The following GDF5 variants were observed in gnomAD, a reference collection of about 807,000 sequenced individuals.
GDF5 encodes growth/differentiation factor 5.
Under a neutral mutation model 34.6 loss-of-function variants are expected in GDF5, and 17 were observed. The ratio of observed to expected loss-of-function variants is 0.49; its 90% CI spans 0.34 to 0.74. GDF5 has a LOEUF of 0.74. GDF5 is among the 30% of genes least tolerant of loss of function. The pLI is 0.01. For synonymous variants in GDF5, 332 were observed against 290.7 expected, an observed-to-expected ratio of 1.14 and a Z score of -1.44; for missense variants, 616 against 661.2, an observed-to-expected ratio of 0.93 and a Z score of 0.75.
intron 1 of GDF5, among the ~76,000 whole-genome samples, chr20:35,437,081 C>T (rs553808009): frequency 6.6e-6 from 1 of 152,294 alleles, no homozygotes; most frequent in South Asian, 2.1e-4. Flanking sequence ...ACCTTGCAGG[C>T]GTTGGACCTG....
At position 35,438,004 on chromosome 20, in the gene GDF5, C is replaced by T; in HGVS notation, c.-76G>A. 4 of 1,561,180 alleles carry T rather than the reference C, an allele frequency of 2.6e-6. No individual in the cohort carries two copies. Among genetic ancestry groups the T allele is most frequent in the East Asian group, 4.5e-5 (2 of 43,992 alleles). ...GGTGCCTCTGGTTTGGCAGGAAAAA[C>T]CATGAAAGGAGTGGACTTTCAAAAG... On this transcript the variant is annotated 5_prime_UTR_variant, in exon 1 of 2. Transcript: ENST00000374369.
chr20:35,447,335 G>A (rs224341), intron 1 of GDF5, among the ~76,000 whole-genome samples: 151,606 of 152,274 alleles, frequency 1, 75,476 homozygotes, highest in Middle Eastern at 1. Context: ...TTCTTTTCTA[G>A]ACTCCGCAGC....
intron 1 of GDF5, among the ~76,000 whole-genome samples, chr20:35,443,479 T>A (rs2062504642): frequency 6.6e-6 from 1 of 151,358 alleles, no homozygotes; most frequent in Non-Finnish European, 1.5e-5. Flanking sequence ...CCATAAACCA[T>A]CCTTATAAAG....
At chr20:35,445,942 G>A (rs555334984) in intron 1 of GDF5, among the ~76,000 whole-genome samples, 2 of 148,822 alleles carry the variant, frequency 1.3e-5, no homozygotes, top group Admixed American at 6.7e-5. Context: ...GCACTCCAGC[G>A]TGGGCAACAA....
At chr20:35,449,143 AT>A (rs551659776) in intron 1 of GDF5, among the ~76,000 whole-genome samples, 2 of 150,618 alleles carry the variant, frequency 1.3e-5, no homozygotes, top group African/African-American at 2.4e-5. Context: ...TTTGCTTAGC[AT>A]TTTTTTTTGA....
intron 1 of GDF5, among the ~76,000 whole-genome samples, chr20:35,451,042 GAAAAAAAAAAAAAAAAA>G (rs1157980088): frequency 1.2e-3 from 19 of 16,486 alleles, no homozygotes; most frequent in African/African-American, 3.6e-3. Context: ...TAGACTAACA[GAAAAAAAAAAAAAAAAA>G]AAAAAATATA....
intron 1 of GDF5, among the ~76,000 whole-genome samples, chr20:35,449,562 G>C (rs2062524238): frequency 6.6e-6 from 1 of 152,146 alleles, no homozygotes; most frequent in South Asian, 2.1e-4. Context: ...TTACTTGCTT[G>C]CCTGCCATGT....
intron 1 of GDF5, among the ~76,000 whole-genome samples, chr20:35,451,048 A>AT (rs1403286330): frequency 0.018 from 82 of 4,600 alleles, no homozygotes; most frequent in African/African-American, 0.079. Context: ...AACAGAAAAA[A>AT]AAAAAAAAAA....
rs1050235016 is a variant in GDF5 at position 35,438,116 on chromosome 20, G to T, written c.-188C>A. The T allele has an allele frequency of 1.2e-5, 8 of 653,524 alleles. No homozygotes were observed. Among genetic ancestry groups the T allele is most frequent in the African/African-American group, 7.3e-5 (4 of 55,066 alleles). The allele number at this position is 653,524 out of a possible 1,614,324, so 40.5% of individuals were successfully genotyped here. A position where few individuals can be genotyped will look rare whatever the true frequency, so the allele number is the denominator to read the frequency against. The stretch of plus-strand genomic sequence containing the variant: ...TCTGCCGGGTGTGTGTTTGTATCCA[G>T]TCCCATAGTGGAAATGCTCTCGTAT... On this transcript the variant is annotated 5_prime_UTR_variant, in exon 1 of 2. It adds an upstream start codon to the 5' untranslated region. Transcript: ENST00000374369.
upstream of GDF5, chr20:35,441,435 T>C (rs1174638572): frequency 6.6e-6 from 1 of 151,292 alleles, no homozygotes; most frequent in Non-Finnish European, 1.5e-5. Context: ...CAACTATTAA[T>C]GGCAATTGTT....
In GDF5 at chr20:35,433,915, G is replaced by A. The variant is rs1200803372; in HGVS notation, c.1500C>T (p.Cys500=). 1 of 1,613,610 alleles carries A rather than the reference G, an allele frequency of 6.2e-7. No homozygotes were observed. The highest frequency in any genetic ancestry group is 1.3e-5 in the African/African-American group (1 of 75,030). Residue 500 remains cysteine, a synonymous_variant, in exon 2 of 2, where the codon TGC becomes TGT. Coordinates refer to ENST00000374369, the MANE Select transcript of GDF5 (RefSeq NM_000557.5). The part of the protein sequence containing the change: ...YEDMVVESCG[C]R The stretch of plus-strand genomic sequence containing the variant: ...AGACAGAGGGCCAGTGCTGCTACCT[G>A]CAGCCACACGACTCCACGACCATGT...
At chr20:35,449,438 G>A (rs1414764139) in intron 1 of GDF5, among the ~76,000 whole-genome samples, 2 of 152,068 alleles carry the variant, frequency 1.3e-5, no homozygotes, top group African/African-American at 4.8e-5. Context: ...CACCACACCT[G>A]GCTAATTTTA....
chr20:35,436,079 G>A (rs1457297368), intron 1 of GDF5, among the ~76,000 whole-genome samples: 1 of 152,192 alleles, frequency 6.6e-6, no homozygotes, highest in Non-Finnish European at 1.5e-5. Context: ...AAGCTCAGTA[G>A]TATCTCCGAA....
upstream of GDF5, chr20:35,441,454 C>CT (rs1215410831): frequency 0.013 from 1,667 of 132,616 alleles, 17 homozygotes; most frequent in African/African-American, 0.03. Context: ...TTAATGATAG[C>CT]TTTTTTTTTT....
At chr20:35,444,553 T>A (rs548974957) in intron 1 of GDF5, among the ~76,000 whole-genome samples, 1 of 152,276 alleles carries the variant, frequency 6.6e-6, no homozygotes, top group South Asian at 2.1e-4. Flanking sequence ...ACATCTTGTA[T>A]GGCCTTATAA....
At chr20:35,436,245 A>G (rs1246471513) in intron 1 of GDF5, among the ~76,000 whole-genome samples, 2 of 152,092 alleles carry the variant, frequency 1.3e-5, no homozygotes, top group Non-Finnish European at 2.9e-5. Flanking sequence ...TGAGCCCCCA[A>G]GGGGTCACAG....
At chr20:35,446,004 A>G (rs976052002) in intron 1 of GDF5, among the ~76,000 whole-genome samples, 8 of 148,916 alleles carry the variant, frequency 5.4e-5, no homozygotes, top group Non-Finnish European at 1.0e-4. Context: ...AATAAAAATA[A>G]AACAATAAAA....
intron 1 of GDF5, among the ~76,000 whole-genome samples, chr20:35,453,188 T>C (rs1465985654): frequency 2.0e-5 from 3 of 152,084 alleles, no homozygotes; most frequent in African/African-American, 7.2e-5. Flanking sequence ...TGGTGGAGCT[T>C]GCAGTGAGCC....
intron 1 of GDF5, among the ~76,000 whole-genome samples, chr20:35,451,573 T>G (rs1383771308): frequency 3.4e-5 from 5 of 146,230 alleles, no homozygotes; most frequent in Non-Finnish European, 7.4e-5. Context: ...TTTTTTCTGT[T>G]TTTTTTTCCT....
Sources: gnomAD v4.1 joint callset for allele counts (sites outside exome capture counted in the v4.1 genomes callset) on GRCh38, gnomAD v4.1.1 for gene constraint, MANE v1.5 for transcripts, NCBI Gene and HGNC (gene_info 2026-07-23, HGNC 2026-07-21) for gene names.